FBF1: variants seen among roughly 807,000 people sequenced by gnomAD.
FBF1 encodes the protein fas-binding factor 1.
In FBF1, 119 loss-of-function variants were observed where a neutral mutation model predicts 147.2. That is an observed-to-expected ratio of 0.81 (90% CI 0.70 to 0.94). The LOEUF is 0.94. Ranked by LOEUF, FBF1 falls within the 40% of genes least tolerant of loss-of-function variation. The pLI is 0.00. For synonymous variants in FBF1, 601 were observed against 609.0 expected (o/e 0.99, Z 0.19); for missense variants, 1,449 against 1,500.8 (o/e 0.97, Z 0.57).
chr17:75,918,977 T>C lies in FBF1; in HGVS notation c.2138+691A>G, dbSNP rs1300232236. Among the ~76,000 whole-genome samples the C allele has an allele frequency of 6.6e-6, 1 of 152,190 alleles. No individual in the cohort carries two copies. The highest frequency in any genetic ancestry group is 2.1e-4 in the South Asian group (1 of 4,812). ...TCCAGGCTGGAGTGCAGTGGCATCA[T>C]AGCTCATTGCAGCCCTGATCTCTTG... is the stretch of plus-strand genomic sequence containing the variant. On this transcript the variant is annotated intron_variant, in intron 20 of 29. Transcript: ENST00000636174. This position sits in a 1 kb window ranked among gnomAD's most constrained non-coding sequence, Gnocchi z 5.8.
intron 25 of FBF1, 61 bp from the exon 26 acceptor site, chr17:75,914,359 G>A: frequency 6.6e-7 from 1 of 1,513,738 alleles, no homozygotes; most frequent in South Asian, 1.2e-5. Context: ...ACTCTGTGCA[G>A]GACTCTAGGG....
In FBF1 at chr17:75,919,732, G is replaced by A. The variant is rs374710379; in HGVS notation, c.2074C>T (p.Arg692Trp). The change falls in exon 20 of 30, where the codon CGG becomes TGG. Residue 692 changes from arginine (R) to tryptophan (W), a missense_variant. By Grantham distance (101) the Arg-to-Trp change is moderately radical (BLOSUM62 -3). Coordinates refer to ENST00000636174, the MANE Select transcript of FBF1 (RefSeq NM_001319193.2). The surrounding 1 kb of genome is among the most constrained non-coding windows in gnomAD (Gnocchi z 5.0). ...TCCTGCGCTATGGCCGCCAAGCGCCGCTGGTGCTGGGCCGTAAGCTCAGCA... is the reference window on the plus strand; with the variant it reads ...TCCTGCGCTATGGCCGCCAAGCGCCACTGGTGCTGGGCCGTAAGCTCAGCA... ...ARAELTAQHQ[R>W]RLAAIAQEKD... 1.6e-5 allele frequency: 26 copies of A among 1,613,082 alleles called. No individual in the cohort carries two copies. Among genetic ancestry groups the A allele is most frequent in the East Asian group, 1.1e-4 (5 of 44,870 alleles).
intron 1 of FBF1, among the ~76,000 whole-genome samples, chr17:75,938,885 G>T (rs942105306): frequency 2.0e-5 from 3 of 151,454 alleles, no homozygotes; most frequent in Non-Finnish European, 4.4e-5. Context: ...AAAGATGTAG[G>T]TTTAACAGCA....
chr17:75,925,346 C>T lies in FBF1; in HGVS notation c.968+1G>A. The T allele has an allele frequency of 1.9e-6, 3 of 1,612,268 alleles. No individual in the cohort carries two copies. Among genetic ancestry groups the T allele is most frequent in the Non-Finnish European group, 2.5e-6 (3 of 1,179,334 alleles). On this transcript the variant is annotated splice_donor_variant, in intron 13 of 29. Coordinates refer to ENST00000636174, the MANE Select transcript of FBF1 (RefSeq NM_001319193.2). LOFTEE classifies it high-confidence loss of function. This position sits in a 1 kb window ranked among gnomAD's most constrained non-coding sequence, Gnocchi z 5.0. ...CCAAGCCTCCTGCAGGCCCCACTTACCTGACAGACTGCCGGCGGGACTGCC... is the reference window on the plus strand; with the variant it reads ...CCAAGCCTCCTGCAGGCCCCACTTATCTGACAGACTGCCGGCGGGACTGCC...
chr17:75,924,783 T>C (rs1251703927), intron 13 of FBF1, among the ~76,000 whole-genome samples: 1 of 152,238 alleles, frequency 6.6e-6, no homozygotes, highest in Non-Finnish European at 1.5e-5. Flanking sequence ...CAGCCGACTT[T>C]TGAAGTTTGA....
At chr17:75,926,527 G>A (rs750974548) in intron 10 of FBF1, 101 bp from the exon 11 acceptor site, 89 of 1,441,520 alleles carry the variant, frequency 6.2e-5, no homozygotes, top group South Asian at 1.3e-4. Context: ...TGGGTAGGAC[G>A]ACAGGCTTTA....
rs758243151 is a variant in FBF1, at chr17:75,914,309, C to T, written c.2815-11G>A. On this transcript the variant is annotated splice_polypyrimidine_tract_variant and intron_variant, in intron 25 of 29. Coordinates refer to ENST00000636174, the MANE Select transcript of FBF1 (RefSeq NM_001319193.2). ...CAGCTCAGCCTGCTCCTGGAGACAG[C>T]GGAGGCCCTGCTGCATTCTCCTCCC... The T allele has an allele frequency of 6.9e-6, 11 of 1,583,948 alleles. No homozygotes were observed. Among genetic ancestry groups the T allele is most frequent in the South Asian group, 5.7e-5 (5 of 87,514 alleles).
rs1015183985 is a variant in FBF1, at chr17:75,924,666, C to T, written c.968+681G>A. ...CTAATTTTTGTATTTTCAGCAGAGA[C>T]GGGGTTTCACCATGTTGGCCAGGCT... On this transcript the variant is annotated intron_variant, in intron 13 of 29. Coordinates refer to ENST00000636174, the MANE Select transcript of FBF1 (RefSeq NM_001319193.2). 1.1e-4 allele frequency among the ~76,000 whole-genome samples: 17 copies of T among 152,164 alleles called. 1 individual carries two copies. In the South Asian group the frequency reaches 2.7e-3, roughly 24 times the overall value.
chr17:75,936,441 G>A (rs548983968), intron 3 of FBF1, among the ~76,000 whole-genome samples: 30 of 152,160 alleles, frequency 2.0e-4, no homozygotes, highest in African/African-American at 6.0e-4. Context: ...GCAGTGAGCC[G>A]AGATCGCGCC....
chr17:75,914,598 A>G (rs1278739147), intron 25 of FBF1, 149 bp downstream of exon 25: 8 of 859,394 alleles, frequency 9.3e-6, no homozygotes, highest in Non-Finnish European at 1.4e-5. Context: ...GGAAGATGTT[A>G]GCATGATGAT....
At chr17:75,937,617 AT>A (rs1219749232) in intron 2 of FBF1, 24 bp from the exon 3 acceptor site, 1 of 1,613,826 alleles carries the variant, frequency 6.2e-7, no homozygotes, top group South Asian at 1.1e-5. Context: ...AACAAATCAC[AT>A]CAAGAAAACC....
At chr17:75,933,164 C>T in intron 4 of FBF1, 76 bp from the exon 5 acceptor site, 2 of 1,166,108 alleles carry the variant, frequency 1.7e-6, no homozygotes, top group Non-Finnish European at 2.5e-6. Context: ...CTGGCAAGCT[C>T]CCTTCCCAAG....
In FBF1 at chr17:75,922,925, C is replaced by A. The variant is rs2065536879; in HGVS notation, c.1424+261G>T. ...TGTCTTCTCCTCGATCAAGTTAGCA[C>A]CTGTCCCCATGGCGGTCAGGGCATG... On this transcript the variant is annotated intron_variant, in intron 14 of 29. Coordinates refer to ENST00000636174, the MANE Select transcript of FBF1 (RefSeq NM_001319193.2). This position sits in a 1 kb window ranked among gnomAD's most constrained non-coding sequence, Gnocchi z 5.0. Among the ~76,000 whole-genome samples, 1 of 152,244 alleles carries A rather than the reference C, an allele frequency of 6.6e-6. No individual in the cohort carries two copies. The highest frequency in any genetic ancestry group is 2.1e-4 in the South Asian group (1 of 4,828).
At position 75,914,920 on chromosome 17, in the gene FBF1, C is replaced by T. The variant is rs748964911; in HGVS notation, c.2641G>A (p.Glu881Lys). The change falls in exon 25 of 30, where the codon GAG becomes AAG. Residue 881 changes from glutamate (E) to lysine (K), a missense_variant. Physicochemically the swap from Glu to Lys is moderately conservative, Grantham distance 56 (BLOSUM62 1). Coordinates refer to ENST00000636174, the MANE Select transcript of FBF1 (RefSeq NM_001319193.2). ...ELERAKSALL[E>K]EQKSVMLKCG... The stretch of plus-strand genomic sequence containing the variant: ...TTGAGCATGACAGACTTCTGCTCCT[C>T]CAGCAAGGCGCTCTGGGATGTGGGG... The T allele has an allele frequency of 5.6e-6, 9 of 1,611,634 alleles. No homozygotes were observed. The South Asian group carries it at 8.8e-5, about 16-fold the overall frequency.
Position 75,926,428 on chromosome 17 carries a change from T to C in FBF1, c.596-2A>G, listed in dbSNP as rs1171222890. On this transcript the variant is annotated splice_acceptor_variant, in intron 10 of 29. Transcript: ENST00000636174. LOFTEE classifies it high-confidence loss of function. Reference sequence around the variant, plus strand: ...CAGGAGTTAGAGGAATAGAGGGACCTGAAAGACAAAACAAGGCCCAATGCC... The same window carrying C: ...CAGGAGTTAGAGGAATAGAGGGACCCGAAAGACAAAACAAGGCCCAATGCC... 2.6e-6 allele frequency: 4 copies of C among 1,556,670 alleles called. No homozygotes were observed. The highest frequency in any genetic ancestry group is 1.4e-5 in the African/African-American group (1 of 73,260).
chr17:75,934,647 G>A (rs2065613081), intron 4 of FBF1, among the ~76,000 whole-genome samples: 1 of 151,616 alleles, frequency 6.6e-6, no homozygotes, highest in Admixed American at 6.6e-5. Flanking sequence ...GGGAGGCCAA[G>A]ATGGGTGGAT....
intron 7 of FBF1, 32 bp downstream of exon 7, chr17:75,929,965 A>G: frequency 1.2e-5 from 1 of 82,368 alleles, no homozygotes; most frequent in Non-Finnish European, 2.6e-5. Flanking sequence ...ACCCACCCCC[A>G]GTTCTAAGAA....
intron 23 of FBF1, among the ~76,000 whole-genome samples, chr17:75,916,327 T>A (rs923662291): frequency 1.6e-4 from 12 of 77,338 alleles, no homozygotes; most frequent in African/African-American, 5.1e-4. Flanking sequence ...CTAAAAAAAA[T>A]TTTTTTTTTT....
chr17:75,933,992 C>G (rs2065609139), intron 4 of FBF1, among the ~76,000 whole-genome samples: 1 of 152,178 alleles, frequency 6.6e-6, no homozygotes, highest in African/African-American at 2.4e-5. Context: ...TGTGGAAAAG[C>G]AGTCTCCTCA....
Sources: allele counts gnomAD v4.1 joint callset (sites outside exome capture counted in the v4.1 genomes callset), GRCh38; gene constraint gnomAD v4.1.1; non-coding constraint Gnocchi (gnomAD v3.1); transcripts MANE v1.5; gene names NCBI Gene and HGNC (gene_info 2026-07-23, HGNC 2026-07-21).